The following PTPN11 variants were observed in gnomAD, a reference collection of about 807,000 sequenced individuals.
The protein encoded by PTPN11 is protein tyrosine phosphatase non-receptor type 11, also known as tyrosine-protein phosphatase non-receptor type 11.
Under a neutral mutation model 78.8 loss-of-function variants are expected in PTPN11, and 6 were observed. That is an observed-to-expected ratio of 0.08 (90% CI 0.04 to 0.15). The LOEUF is 0.15. Among genes scored for constraint, PTPN11 ranks in the 10% least tolerant of loss-of-function variants. The pLI is 1.00. For synonymous variants in PTPN11, 221 were observed against 263.5 expected (o/e 0.84, Z 1.56); for missense variants, 386 against 744.8 (o/e 0.52, Z 5.61).
intron 1 of PTPN11, among the ~76,000 whole-genome samples, chr12:112,422,364 G>A (rs541475838): frequency 6.6e-6 from 1 of 152,310 alleles, no homozygotes; most frequent in African/African-American, 2.4e-5. Flanking sequence ...TGATCATGTA[G>A]CAGTGATAGT....
chr12:112,426,650 CAG>C (rs1348389779), intron 1 of PTPN11, among the ~76,000 whole-genome samples: 1 of 152,002 alleles, frequency 6.6e-6, no homozygotes, highest in African/African-American at 2.4e-5. Flanking sequence ...CCACTCAACA[CAG>C]GGGTCATGTG....
At chr12:112,442,853 T>TATATATATATATATAAATTATATATACAC (rs2037922366) in intron 1 of PTPN11, among the ~76,000 whole-genome samples, 4 of 94,110 alleles carry the variant, frequency 4.3e-5, no homozygotes, top group African/African-American at 1.7e-4. Context: ...TATATATATA[T>TATATATATATATATAAATTATATATACAC]ATATATATAT....
rs2038608116 is a variant in PTPN11 at position 112,482,242 on chromosome 12, T to C, written c.1224+37T>C. ...GTCGTATTCTAGAGACTTTGGGAAC[T>C]GTTGATGGTGTGTAGGAATTCAGGG... On this transcript the variant is annotated intron_variant, in intron 10 of 15. Coordinates refer to ENST00000351677, the MANE Select transcript of PTPN11 (RefSeq NM_002834.5). This position sits in a 1 kb window ranked among gnomAD's most constrained non-coding sequence, Gnocchi z 4.4. 3 of 1,601,828 alleles carry C rather than the reference T, an allele frequency of 1.9e-6. No individual in the cohort carries two copies. In the East Asian group the frequency reaches 6.7e-5, roughly 36 times the overall value.
At chr12:112,499,637 C>T (rs996857771) in intron 13 of PTPN11, among the ~76,000 whole-genome samples, 3 of 151,954 alleles carry the variant, frequency 2.0e-5, no homozygotes, top group East Asian at 3.9e-4. Flanking sequence ...CAGTGCCCGG[C>T]GGGATAAGTT....
chr12:112,444,225 C>T (rs1465224324), intron 1 of PTPN11, among the ~76,000 whole-genome samples: 2 of 152,090 alleles, frequency 1.3e-5, no homozygotes, highest in Non-Finnish European at 2.9e-5. Flanking sequence ...TTTGGCTTTG[C>T]AAATAATGCT....
rs978550641 is a variant in PTPN11 at position 112,423,500 on chromosome 12, G to A, written c.14+4375G>A. On this transcript the variant is annotated intron_variant, in intron 1 of 15. Coordinates refer to ENST00000351677, the MANE Select transcript of PTPN11 (RefSeq NM_002834.5). ...GGGGTTTCACCATGTTGGCCAGGCC[G>A]GTCTTGAACTCCTGGCCTCAAGTGA... 2.6e-5 allele frequency among the ~76,000 whole-genome samples: 4 copies of A among 152,104 alleles called. No individual in the cohort carries two copies. In the South Asian group the frequency reaches 6.2e-4, roughly 24 times the overall value.
At chr12:112,472,114 G>T (rs1315276859) in intron 6 of PTPN11, among the ~76,000 whole-genome samples, 1 of 151,992 alleles carries the variant, frequency 6.6e-6, no homozygotes, top group East Asian at 1.9e-4. Flanking sequence ...GTGAGCCATT[G>T]CACCTGGCCT....
chr12:112,429,055 A>G (rs1274241643), intron 1 of PTPN11, among the ~76,000 whole-genome samples: 2 of 152,092 alleles, frequency 1.3e-5, no homozygotes, highest in Non-Finnish European at 1.5e-5. Flanking sequence ...CCTCTTAACT[A>G]TTGTTTGAAA....
intron 1 of PTPN11, 69 bp downstream of exon 1, chr12:112,419,194 G>A (rs2135817739): frequency 7.3e-7 from 1 of 1,367,358 alleles, no homozygotes; most frequent in Non-Finnish European, 9.4e-7. Flanking sequence ...AGCCCCGTCC[G>A]GAAGGGGGCG....
At chr12:112,498,298 G>T (rs1019394800) in intron 13 of PTPN11, among the ~76,000 whole-genome samples, 5 of 152,180 alleles carry the variant, frequency 3.3e-5, no homozygotes, top group East Asian at 3.8e-4. Flanking sequence ...TTTGGTCAGG[G>T]TGGGCAGGAC....
intron 1 of PTPN11, among the ~76,000 whole-genome samples, chr12:112,432,689 ATAT>A (rs1051516863): frequency 4.6e-5 from 7 of 151,174 alleles, no homozygotes; most frequent in African/African-American, 1.7e-4. Context: ...AAAAAAAAGA[ATAT>A]TATGGGCCCA....
intron 1 of PTPN11, among the ~76,000 whole-genome samples, chr12:112,425,264 A>G (rs2037599938): frequency 2.0e-5 from 3 of 152,118 alleles, no homozygotes; most frequent in Admixed American, 1.3e-4. Flanking sequence ...GGCTAGTTAA[A>G]TGAAATACAG....
intron 11 of PTPN11, 138 bp downstream of exon 11, chr12:112,486,767 T>C (rs2038684569): frequency 6.0e-6 from 9 of 1,510,896 alleles, no homozygotes; most frequent in African/African-American, 1.4e-5. Flanking sequence ...AGCAACTGCA[T>C]TGAGGGACAT....
chr12:112,474,814 A>G (rs893206231), intron 7 of PTPN11, among the ~76,000 whole-genome samples: 4 of 151,388 alleles, frequency 2.6e-5, no homozygotes, highest in African/African-American at 9.7e-5. Context: ...TTTTTTTTGT[A>G]GAGACAGGGT....
chr12:112,494,859 GT>G lies in PTPN11; in HGVS notation c.1599+5689del, dbSNP rs575088933. Among the ~76,000 whole-genome samples the G allele has an allele frequency of 4.2e-3, 638 of 152,182 alleles. 13 individuals carry two copies. The highest frequency in any genetic ancestry group is 2.3e-3 in the Non-Finnish European group (154 of 67,978). ...GGTTTGAGAGCAATACATCCATTCT[GT>G]TTTTCACTTTTCATTCAACACTTTA... On this transcript the variant is annotated intron_variant, in intron 13 of 15. Coordinates refer to ENST00000351677, the MANE Select transcript of PTPN11 (RefSeq NM_002834.5).
intron 11 of PTPN11, 123 bp from the exon 12 acceptor site, chr12:112,488,320 G>A: frequency 1.1e-6 from 1 of 939,564 alleles, no homozygotes; most frequent in Non-Finnish European, 1.8e-6. Context: ...AACATAAATA[G>A]ACAATTTTAT....
intron 2 of PTPN11, among the ~76,000 whole-genome samples, chr12:112,448,039 T>G (rs1446318839): frequency 6.6e-6 from 1 of 151,890 alleles, no homozygotes; most frequent in African/African-American, 2.4e-5. Flanking sequence ...TGACTTAAAG[T>G]GATCCATCTG....
Position 112,504,078 on chromosome 12 carries a change from G to C in PTPN11, c.1713-617G>C, listed in dbSNP as rs1195392524. ...GGAAATTAATAGGATTTCATTCTAT[G>C]TGTGCATTTCCAACCTTTCTTCACA... On this transcript the variant is annotated intron_variant, in intron 14 of 15. Coordinates refer to ENST00000351677, the MANE Select transcript of PTPN11 (RefSeq NM_002834.5). The surrounding 1 kb of genome is among the most constrained non-coding windows in gnomAD (Gnocchi z 4.7). 6.6e-6 allele frequency among the ~76,000 whole-genome samples: 1 copy of C among 152,176 alleles called. No homozygotes were observed. The highest frequency in any genetic ancestry group is 1.5e-5 in the Non-Finnish European group (1 of 68,036).
rs1446644172 is a variant in PTPN11 at position 112,507,413 on chromosome 12, CTCTT to C, written c.*1626_*1629del. ...GCATCCCCAGACTTGGGAAACGTGA[CTCTT>C]TCTTAATGCCACTGGGTTTTAGTCA... On this transcript the variant is annotated 3_prime_UTR_variant, in exon 16 of 16. Coordinates refer to ENST00000351677, the MANE Select transcript of PTPN11 (RefSeq NM_002834.5). The C allele has an allele frequency of 6.6e-6, 1 of 152,652 alleles. No homozygotes were observed. Among genetic ancestry groups the C allele is most frequent in the Non-Finnish European group, 1.5e-5 (1 of 68,124 alleles). 9.5% of individuals were successfully genotyped at this position (152,652 alleles called of 1,614,324 possible). A position where few individuals can be genotyped will look rare whatever the true frequency, so the allele number is the denominator to read the frequency against.
Sources: allele counts gnomAD v4.1 joint callset (sites outside exome capture counted in the v4.1 genomes callset), GRCh38; gene constraint gnomAD v4.1.1; non-coding constraint Gnocchi (gnomAD v3.1); transcripts MANE v1.5; gene names NCBI Gene and HGNC (gene_info 2026-07-23, HGNC 2026-07-21).